Variants in SEMA6D observed in about 807,000 individuals in gnomAD.
The protein encoded by SEMA6D is semaphorin-6D.
In SEMA6D, 35 loss-of-function variants were observed where a neutral mutation model predicts 106.6. The ratio of observed to expected loss-of-function variants is 0.33; its 90% CI spans 0.25 to 0.44. The LOEUF is 0.44. SEMA6D is among the 20% of genes least tolerant of loss of function. SEMA6D has a pLI of 1.00. For synonymous variants in SEMA6D, 499 were observed against 487.7 expected (o/e 1.02, Z -0.31); for missense variants, 1,185 against 1,345.9 (o/e 0.88, Z 1.87).
chr15:47,473,808 C>T (rs2042924466), intron 3 of SEMA6D, among the ~76,000 whole-genome samples: 1 of 152,074 alleles, frequency 6.6e-6, no homozygotes, highest in Non-Finnish European at 1.5e-5. Flanking sequence ...CATTTTCTTT[C>T]TTTTTCTTTG....
chr15:47,672,429 C>T (rs568010305), intron 4 of SEMA6D, among the ~76,000 whole-genome samples: 3 of 152,024 alleles, frequency 2.0e-5, no homozygotes, highest in East Asian at 1.9e-4. Context: ...AAGAAAAAGC[C>T]GAAGTTATAC....
chr15:47,331,022 A>G (rs2037322545), intron 1 of SEMA6D, among the ~76,000 whole-genome samples: 1 of 152,184 alleles, frequency 6.6e-6, no homozygotes, highest in Non-Finnish European at 1.5e-5. Context: ...AGCTGTGACA[A>G]AAGCATCAAG....
intron 1 of SEMA6D, among the ~76,000 whole-genome samples, chr15:47,297,894 G>T (rs2035867613): frequency 6.6e-6 from 1 of 152,002 alleles, no homozygotes; most frequent in South Asian, 2.1e-4. Context: ...AAAGAAGGAG[G>T]TTGGCATGTT....
chr15:47,269,394 A>G (rs983081386), intron 1 of SEMA6D, among the ~76,000 whole-genome samples: 12 of 152,202 alleles, frequency 7.9e-5, no homozygotes, highest in African/African-American at 2.6e-4. Context: ...GTTAAAAAAT[A>G]TAGCTCAATG....
intron 2 of SEMA6D, among the ~76,000 whole-genome samples, chr15:47,458,471 T>G (rs1271267213): frequency 6.6e-6 from 1 of 151,966 alleles, no homozygotes; most frequent in Non-Finnish European, 1.5e-5. Flanking sequence ...ATAAAAGAAG[T>G]CTTATTAATT....
At chr15:47,511,905 A>G (rs1449530839) in intron 3 of SEMA6D, among the ~76,000 whole-genome samples, 2 of 152,058 alleles carry the variant, frequency 1.3e-5, no homozygotes, top group African/African-American at 4.8e-5. Context: ...GGATTTTGCC[A>G]CCTCTCCTGG....
chr15:47,616,493 C>T (rs1014103785), intron 4 of SEMA6D, among the ~76,000 whole-genome samples: 3 of 150,858 alleles, frequency 2.0e-5, no homozygotes, highest in Non-Finnish European at 2.9e-5. Flanking sequence ...TTTCAGTGCT[C>T]TACTTGGCTA....
Position 47,444,455 on chromosome 15 carries a change from G to A in SEMA6D, c.-158-26019G>A, listed in dbSNP as rs1028588312. Among the ~76,000 whole-genome samples the A allele has an allele frequency of 3.4e-5, 5 of 148,290 alleles. No homozygotes were observed. The East Asian group carries it at 6.1e-4, about 18-fold the overall frequency. ...AGTTAAGATCAGGCCCATGATGCCCGGATAAGATTTCAAGGATGAAGGCTG... is the reference window on the plus strand; with the variant it reads ...AGTTAAGATCAGGCCCATGATGCCCAGATAAGATTTCAAGGATGAAGGCTG... On this transcript the variant is annotated intron_variant, in intron 2 of 19. Coordinates refer to the SEMA6D transcript ENST00000558014.
intron 1 of SEMA6D, among the ~76,000 whole-genome samples, chr15:47,384,010 G>A (rs1032026912): frequency 2.6e-5 from 4 of 152,310 alleles, no homozygotes; most frequent in South Asian, 2.1e-4. Context: ...AATGGGCTCC[G>A]TTATTGCTTA....
intron 1 of SEMA6D, among the ~76,000 whole-genome samples, chr15:47,189,651 A>G (rs1893825818): frequency 6.6e-6 from 1 of 152,150 alleles, no homozygotes; most frequent in South Asian, 2.1e-4. Flanking sequence ...CTTTTCTATC[A>G]CCCACATAGA....
intron 1 of SEMA6D, among the ~76,000 whole-genome samples, chr15:47,734,214 C>A (rs1321195873): frequency 6.6e-6 from 1 of 152,236 alleles, no homozygotes; most frequent in East Asian, 1.9e-4. Context: ...ATAGAAGCAT[C>A]TTACTCACTC....
At chr15:47,514,542 T>C (rs1430503148) in intron 3 of SEMA6D, among the ~76,000 whole-genome samples, 1 of 152,208 alleles carries the variant, frequency 6.6e-6, no homozygotes, top group East Asian at 1.9e-4. Context: ...AGTCAAATAC[T>C]TTAGCATAAT....
intron 1 of SEMA6D, among the ~76,000 whole-genome samples, chr15:47,254,709 G>A (rs988984865): frequency 2.0e-5 from 3 of 152,090 alleles, no homozygotes; most frequent in African/African-American, 7.2e-5. Context: ...TGAATGTGAT[G>A]TATCATGTTT....
At chr15:47,312,102 G>C (rs1476263431) in intron 1 of SEMA6D, among the ~76,000 whole-genome samples, 2 of 151,416 alleles carry the variant, frequency 1.3e-5, no homozygotes, top group Non-Finnish European at 2.9e-5. Context: ...TTAAATTGCA[G>C]TTGCAATTGA....
intron 3 of SEMA6D, among the ~76,000 whole-genome samples, chr15:47,590,629 G>A (rs1325890003): frequency 6.6e-6 from 1 of 151,672 alleles, no homozygotes; most frequent in Non-Finnish European, 1.5e-5. Flanking sequence ...AGTATGATGG[G>A]CTGTAAATAC....
chr15:47,656,090 C>G, intron 4 of SEMA6D, among the ~76,000 whole-genome samples: 1 of 152,216 alleles, frequency 6.6e-6, no homozygotes, highest in East Asian at 1.9e-4. Flanking sequence ...TTCCTAAACA[C>G]AAGAAGGCTG....
chr15:47,184,568 G>C (rs2140859522), intron 1 of SEMA6D: 1 of 152,376 alleles, frequency 6.6e-6, no homozygotes, highest in South Asian at 2.1e-4. Context: ...GCGCGCCGCG[G>C]CCGGCGCAGA....
chr15:47,771,351 T>C lies in SEMA6D; in HGVS notation c.2788T>C (p.Tyr930His), dbSNP rs372281976. The stretch of plus-strand genomic sequence containing the variant: ...AGTCCCTAACCGGGAGGCATCGCTA[T>C]ACTCCCCTCCTTCAACTCTCCCCAG... Reference protein sequence around the residue: ...PKVPNREASLYSPPSTLPRNS... With the variant: ...PKVPNREASLHSPPSTLPRNS... The change falls in exon 19 of 19, where the codon TAC becomes CAC. Residue 930 changes from tyrosine to histidine, a missense_variant. Physicochemically the swap from Tyr to His is moderately conservative, Grantham distance 83. Around this residue, in one of 3 missense-constraint regions of SEMA6D, gnomAD observed 750 missense variants for 783.5 expected, o/e 0.96. Transcript: ENST00000536845. 2.3e-5 allele frequency: 37 copies of C among 1,613,994 alleles called. No homozygotes were observed. Among genetic ancestry groups the C allele is most frequent in the African/African-American group, 4.0e-5 (3 of 75,016 alleles).
chr15:47,227,225 A>G (rs2031742733), intron 1 of SEMA6D, among the ~76,000 whole-genome samples: 1 of 152,058 alleles, frequency 6.6e-6, no homozygotes, highest in African/African-American at 2.4e-5. Flanking sequence ...TACATATAAA[A>G]TAATACAGCT....
Sources: allele counts gnomAD v4.1 joint callset (sites outside exome capture counted in the v4.1 genomes callset), GRCh38; gene constraint gnomAD v4.1.1; regional missense constraint gnomAD v4.1.1; transcripts MANE v1.5; gene names NCBI Gene and HGNC (gene_info 2026-07-23, HGNC 2026-07-21).